The following SYNE1 variants were observed in gnomAD, a reference collection of about 807,000 sequenced individuals.
SYNE1 encodes the protein spectrin repeat containing nuclear envelope protein 1, also known as nesprin-1.
Under a neutral mutation model 1,111.0 loss-of-function variants are expected in SYNE1, and 616 were observed. That is an observed-to-expected ratio of 0.55 (90% CI 0.52 to 0.59). SYNE1 has a LOEUF of 0.59. Ranked by LOEUF, SYNE1 falls within the 20% of genes least tolerant of loss-of-function variation. The pLI, the probability that SYNE1 is intolerant of heterozygous loss-of-function variation, is 0.00. For missense variants in SYNE1, 10,006 were observed against 10,417.0 expected, an observed-to-expected ratio of 0.96 and a Z score of 1.72; for synonymous variants, 3,855 against 3,825.8, an observed-to-expected ratio of 1.01 and a Z score of -0.28.
chr6:152,511,552 T>G, intron 6 of SYNE1: 1 of 1,611,822 alleles, frequency 6.2e-7, no homozygotes, highest in Non-Finnish European at 8.5e-7. Flanking sequence ...GAGTTAAGAA[T>G]TCTAAAATTT....
rs962640020 is a variant in SYNE1, at chr6:152,625,045, A to G, written c.67+3220T>C. On this transcript the variant is annotated intron_variant, in intron 3 of 145. Transcript: ENST00000367255. ...GTTACTCATTATACATATCTAGACAAAGAAAAAGGATTCTAGGAGAATGTT... is the reference window on the plus strand; with the variant it reads ...GTTACTCATTATACATATCTAGACAGAGAAAAAGGATTCTAGGAGAATGTT... Among the ~76,000 whole-genome samples, 3 of 152,222 alleles carry G rather than the reference A, an allele frequency of 2.0e-5. No homozygotes were observed. In the East Asian group the frequency reaches 5.8e-4, roughly 29 times the overall value.
intron 131 of SYNE1, among the ~76,000 whole-genome samples, chr6:152,163,445 G>T (rs1217832623): frequency 6.7e-6 from 1 of 149,352 alleles, no homozygotes; most frequent in East Asian, 2.0e-4. Context: ...GTTGCAGTGA[G>T]CTGAGATCGC....
At chr6:152,530,627 T>G (rs1312628433) in intron 4 of SYNE1, among the ~76,000 whole-genome samples, 2 of 151,466 alleles carry the variant, frequency 1.3e-5, no homozygotes, top group African/African-American at 4.8e-5. Flanking sequence ...GATGAAATTT[T>G]TTTTTTTTTT....
At chr6:152,162,650 A>G (rs77705706) in intron 131 of SYNE1, among the ~76,000 whole-genome samples, 20,350 of 152,148 alleles carry the variant, frequency 0.13, 1,493 homozygotes, top group African/African-American at 0.14. Flanking sequence ...CTTTAATTTC[A>G]TAAAAATTGA....
Position 152,269,415 on chromosome 6 carries a change from A to AT in SYNE1, c.18574-130dup, listed in dbSNP as rs1554307243. On this transcript the variant is annotated intron_variant, in intron 98 of 145. Coordinates refer to ENST00000367255, the MANE Select transcript of SYNE1 (RefSeq NM_182961.4). ...TGGCTCCACTGGGATGTGAAACCAC[A>AT]TTTTTTAAAAAAAACAGTAACACAA... is the stretch of plus-strand genomic sequence containing the variant. The AT allele has an allele frequency of 1.1e-3, 1,406 of 1,328,744 alleles. 18 individuals are homozygous for AT. The East Asian group carries it at 0.024, about 22-fold the overall frequency. 82.3% of individuals were successfully genotyped at this position (1,328,744 alleles called of 1,614,324 possible).
At chr6:152,582,536 G>C (rs564251421) in intron 3 of SYNE1, among the ~76,000 whole-genome samples, 5 of 151,282 alleles carry the variant, frequency 3.3e-5, no homozygotes, top group African/African-American at 1.2e-4. Flanking sequence ...GCTTAAAATG[G>C]GTTACCAGTG....
At chr6:152,155,826 A>G in intron 132 of SYNE1, 84 bp downstream of exon 132, 2 of 1,527,868 alleles carry the variant, frequency 1.3e-6, no homozygotes, top group South Asian at 2.3e-5. Context: ...CGAACAGGAA[A>G]GAGTGAACAG....
chr6:152,262,379 T>C (rs1439531588), intron 100 of SYNE1, among the ~76,000 whole-genome samples, 191 bp from the exon 101 acceptor site: 2 of 152,210 alleles, frequency 1.3e-5, no homozygotes, highest in Non-Finnish European at 2.9e-5. Context: ...ATTGATAAAC[T>C]GAACCATGTG....
intron 9 of SYNE1, among the ~76,000 whole-genome samples, chr6:152,504,627 T>A (rs2099047916): frequency 6.6e-6 from 1 of 152,226 alleles, no homozygotes; most frequent in Non-Finnish European, 1.5e-5. Context: ...TGTTTCAACA[T>A]AACAACTTAT....
At chr6:152,261,521 T>C (rs1035370598) in intron 101 of SYNE1, among the ~76,000 whole-genome samples, 4 of 152,198 alleles carry the variant, frequency 2.6e-5, no homozygotes. Flanking sequence ...GATGGGTCCA[T>C]AACTATTCCA....
At position 152,253,813 on chromosome 6, in the gene SYNE1, GTTTGGTTTTTT is replaced by G. The variant is rs2090001003; in HGVS notation, c.19470+1056_19470+1066del. ...GCTAATGCTACATTTATGTGTAGTGGTTTGGTTTTTTTTTTTTTTTTTTTTTTTTTTTTTTT... is the reference window on the plus strand; with the variant it reads ...GCTAATGCTACATTTATGTGTAGTGGTTTTTTTTTTTTTTTTTTTTTTTTT... On this transcript the variant is annotated intron_variant, in intron 104 of 145. Coordinates refer to ENST00000367255, the MANE Select transcript of SYNE1 (RefSeq NM_182961.4). Among the ~76,000 whole-genome samples the G allele has an allele frequency of 3.9e-4, 13 of 33,234 alleles. 2 individuals carry two copies. Among genetic ancestry groups the G allele is most frequent in the African/African-American group, 9.6e-4 (10 of 10,454 alleles). The allele number at this position is 33,234 out of a possible 152,430, so 21.8% of individuals were successfully genotyped here. A position where few individuals can be genotyped will look rare whatever the true frequency, so the allele number is the denominator to read the frequency against.
At chr6:152,572,516 T>C (rs2099467520) in intron 3 of SYNE1, among the ~76,000 whole-genome samples, 1 of 152,186 alleles carries the variant, frequency 6.6e-6, no homozygotes, top group Admixed American at 6.5e-5. Flanking sequence ...AATAGATTTC[T>C]AGAATAAGAG....
rs146253053 is a variant in SYNE1, at chr6:152,600,598, C to T, written c.67+27667G>A. On this transcript the variant is annotated intron_variant, in intron 3 of 145. Transcript: ENST00000367255. ...TAATGCAAAAAAGAAACAAATGGAT[C>T]TGCTGAAAATCTACTTCTGTATTTC... Among the ~76,000 whole-genome samples, 496 of 152,262 alleles carry T rather than the reference C, an allele frequency of 3.3e-3. 4 individuals are homozygous for T. The highest frequency in any genetic ancestry group is 0.011 in the African/African-American group (473 of 41,556).
intron 26 of SYNE1, 93 bp from the exon 27 acceptor site, chr6:152,450,926 G>A: frequency 6.3e-7 from 1 of 1,591,270 alleles, no homozygotes; most frequent in East Asian, 2.2e-5. Flanking sequence ...TTCCCACGCA[G>A]ACTACCAAGG....
chr6:152,156,784 T>C (rs184885861), intron 131 of SYNE1, among the ~76,000 whole-genome samples: 103 of 152,246 alleles, frequency 6.8e-4, no homozygotes, highest in African/African-American at 2.3e-3. Flanking sequence ...TATATATGCA[T>C]GTGCTAGACC....
intron 137 of SYNE1, chr6:152,145,823 G>A (rs1360865593): frequency 2.2e-5 from 9 of 402,342 alleles, no homozygotes; most frequent in Middle Eastern, 8.0e-4. Context: ...TCAGGAATTC[G>A]AGACCAGCCT....
At chr6:152,433,103 G>T (rs1198542193) in intron 34 of SYNE1, among the ~76,000 whole-genome samples, 1 of 149,424 alleles carries the variant, frequency 6.7e-6, no homozygotes, top group Non-Finnish European at 1.5e-5. Context: ...AAAAAAAAAA[G>T]CTGAGGTAGA....
At chr6:152,590,099 AATTATT>A (rs747538908) in intron 3 of SYNE1, among the ~76,000 whole-genome samples, 3 of 149,434 alleles carry the variant, frequency 2.0e-5, no homozygotes, top group African/African-American at 2.5e-5. Flanking sequence ...ACACCTGACT[AATTATT>A]ATTATTATTA....
chr6:152,351,920 G>A, intron 70 of SYNE1, 107 bp downstream of exon 70: 1 of 1,000,374 alleles, frequency 1.0e-6, no homozygotes, highest in Non-Finnish European at 1.6e-6. Context: ...ACACATGCGG[G>A]ATGCATTCCA....
Sources: allele counts gnomAD v4.1 joint callset (sites outside exome capture counted in the v4.1 genomes callset), GRCh38; gene constraint gnomAD v4.1.1; transcripts MANE v1.5; gene names NCBI Gene and HGNC (gene_info 2026-07-23, HGNC 2026-07-21).